Variants in BCR observed in about 807,000 individuals in gnomAD.
The protein encoded by BCR is breakpoint cluster region protein.
Under a neutral mutation model 138.6 loss-of-function variants are expected in BCR, and 58 were observed. The ratio of observed to expected loss-of-function variants is 0.42; its 90% CI spans 0.34 to 0.52. BCR has a LOEUF of 0.52. Ranked by LOEUF, BCR falls within the 20% of genes least tolerant of loss-of-function variation. The pLI, the probability that BCR is intolerant of heterozygous loss-of-function variation, is 0.06. For synonymous variants in BCR, 786 were observed against 730.1 expected (o/e 1.08, Z -1.23); for missense variants, 1,599 against 1,727.2 (o/e 0.93, Z 1.32).
chr22:23,284,982 G>A, intron 9 of BCR, 51 bp from the exon 10 acceptor site: 1 of 1,579,382 alleles, frequency 6.3e-7, no homozygotes, highest in Non-Finnish European at 8.6e-7. Context: ...AGTGACATCA[G>A]CCATAGAAGG....
intron 1 of BCR, among the ~76,000 whole-genome samples, chr22:23,225,048 G>T (rs1202881017): frequency 6.6e-6 from 1 of 151,780 alleles, no homozygotes; most frequent in Non-Finnish European, 1.5e-5. Context: ...GCAGGGAGGG[G>T]TGTCCAAGCA....
At chr22:23,261,170 C>A in intron 3 of BCR, 116 bp downstream of exon 3, 1 of 1,245,386 alleles carries the variant, frequency 8.0e-7, no homozygotes, top group Non-Finnish European at 1.1e-6. Context: ...AGCTCGCCAT[C>A]CCTGGAGTGG....
chr22:23,194,818 G>A (rs1163778599), intron 1 of BCR, among the ~76,000 whole-genome samples: 2 of 152,100 alleles, frequency 1.3e-5, no homozygotes, highest in Non-Finnish European at 1.5e-5. Context: ...GCATGTGCCC[G>A]TAATCTCAGC....
chr22:23,280,019 C>A (rs131674), intron 8 of BCR, among the ~76,000 whole-genome samples: 2 of 151,930 alleles, frequency 1.3e-5, no homozygotes, highest in African/African-American at 4.8e-5. Context: ...CTCTTTTTTT[C>A]CTTCTTATGA....
intron 6 of BCR, among the ~76,000 whole-genome samples, chr22:23,272,369 C>T (rs537309125): frequency 1.3e-5 from 2 of 152,220 alleles, no homozygotes; most frequent in African/African-American, 2.4e-5. Flanking sequence ...ATGAAAATAG[C>T]GATGAGTGCC....
Position 23,315,510 on chromosome 22 carries a change from C to T in BCR, c.3804C>T (p.Ser1268=), listed in dbSNP as rs1185215643. 2.5e-6 allele frequency: 4 copies of T among 1,612,292 alleles called. No individual in the cohort carries two copies. The highest frequency in any genetic ancestry group is 1.1e-5 in the South Asian group (1 of 91,020). ...GCAAGAGACAGAGCATCCTGTTCTC[C>T]ACCGAAGTCTAAAGGTCCCAGTCCA... The part of the protein sequence containing the change: ...PDSKRQSILF[S]TEV Residue 1268 remains serine (S), a synonymous_variant, in exon 23 of 23, where the codon TCC becomes TCT. Transcript: ENST00000305877.
At chr22:23,283,086 C>T (rs565045281) in intron 8 of BCR, 69 of 152,372 alleles carry the variant, frequency 4.5e-4, no homozygotes, top group African/African-American at 1.6e-3. Flanking sequence ...CTGCGACAGC[C>T]TCTCCTCCTG....
At chr22:23,308,493 G>T (rs2073972444) in intron 16 of BCR, among the ~76,000 whole-genome samples, 1 of 152,084 alleles carries the variant, frequency 6.6e-6, no homozygotes, top group Non-Finnish European at 1.5e-5. Flanking sequence ...TTTTAGTAGG[G>T]ACAGGGTTTC....
At chr22:23,209,844 G>C (rs1411306500) in intron 1 of BCR, among the ~76,000 whole-genome samples, 2 of 152,164 alleles carry the variant, frequency 1.3e-5, no homozygotes, top group African/African-American at 2.4e-5. Context: ...TGCCCAGGCT[G>C]GTCTCAACCT....
intron 1 of BCR, among the ~76,000 whole-genome samples, chr22:23,194,801 C>T (rs1194745254): frequency 1.3e-5 from 2 of 152,058 alleles, no homozygotes; most frequent in Non-Finnish European, 2.9e-5. Context: ...GTGAGCTGGG[C>T]ATGGTGGCAT....
At chr22:23,273,509 G>A in intron 7 of BCR, 125 bp from the exon 8 acceptor site, 1 of 1,297,942 alleles carries the variant, frequency 7.7e-7, no homozygotes, top group Non-Finnish European at 1.1e-6. Context: ...AAGTGAGAGA[G>A]ACTGTGGTGA....
chr22:23,188,900 T>C (rs943273519), intron 1 of BCR, among the ~76,000 whole-genome samples: 2 of 152,228 alleles, frequency 1.3e-5, no homozygotes, highest in African/African-American at 4.8e-5. Context: ...GGGGTCTCAC[T>C]CTGTCACCTA....
chr22:23,211,273 C>T (rs1412478353), intron 1 of BCR, among the ~76,000 whole-genome samples: 1 of 152,270 alleles, frequency 6.6e-6, no homozygotes, highest in East Asian at 1.9e-4. Context: ...TCTCGGCTCA[C>T]TGCAAGCTCC....
At chr22:23,263,464 G>A (rs2073397373) in intron 4 of BCR, 2 of 1,467,536 alleles carry the variant, frequency 1.4e-6, no homozygotes, top group Non-Finnish European at 1.9e-6. Context: ...CTGCTGAAGT[G>A]GAGATGCAGT....
intron 7 of BCR, 28 bp from the exon 8 acceptor site, chr22:23,273,606 C>CT (rs765088846): frequency 1.2e-6 from 2 of 1,612,536 alleles, no homozygotes; most frequent in Non-Finnish European, 1.7e-6. Context: ...TCCTCTGTGT[C>CT]TAACTCAAGT....
intron 1 of BCR, among the ~76,000 whole-genome samples, chr22:23,248,624 T>C (rs554144288): frequency 9.2e-5 from 14 of 152,276 alleles, no homozygotes; most frequent in African/African-American, 3.4e-4. Flanking sequence ...GCAAACTGCC[T>C]GGAGAGAAGA....
chr22:23,264,056 T>C, intron 4 of BCR: 1 of 1,080,958 alleles, frequency 9.3e-7, no homozygotes. Context: ...CCTGTGGCTA[T>C]GACACCTATG....
At chr22:23,285,964 C>T (rs1015366887) in intron 10 of BCR, among the ~76,000 whole-genome samples, 2 of 152,224 alleles carry the variant, frequency 1.3e-5, no homozygotes, top group Non-Finnish European at 2.9e-5. Flanking sequence ...GGGTTCTCAC[C>T]TCTGGCCACA....
chr22:23,241,816 C>T (rs574591589), intron 1 of BCR, among the ~76,000 whole-genome samples: 9 of 152,260 alleles, frequency 5.9e-5, no homozygotes, highest in South Asian at 2.1e-4. Context: ...GCTGCCAGAA[C>T]GTCACCTGTC....
Sources: allele counts gnomAD v4.1 joint callset (sites outside exome capture counted in the v4.1 genomes callset), GRCh38; gene constraint gnomAD v4.1.1; transcripts MANE v1.5; gene names NCBI Gene and HGNC (gene_info 2026-07-23, HGNC 2026-07-21).